NECAB2: variants seen among roughly 807,000 people sequenced by gnomAD.
NECAB2 encodes N-terminal EF-hand calcium-binding protein 2.
A neutral mutation model predicts 51.9 loss-of-function variants in NECAB2; 68 were observed. The ratio of observed to expected loss-of-function variants is 1.31; its 90% confidence interval spans 1.08 to 1.60. The LOEUF (loss-of-function observed/expected upper bound fraction) is 1.60, where lower values mean the gene tolerates loss of function less well. NECAB2 is among the 40% of genes most tolerant of loss of function. The probability of loss-of-function intolerance (pLI) is 0.00; values close to 1 mark genes in which losing one functional copy is unlikely to be tolerated. For synonymous variants in NECAB2, 329 were observed against 203.5 expected, an observed-to-expected ratio of 1.62 and a Z score of -5.25; for missense variants, 854 against 490.3, an observed-to-expected ratio of 1.74 and a Z score of -7.00.
At position 83,968,680 on chromosome 16, in the gene NECAB2, C is replaced by T. The variant is rs866329316; in HGVS notation, c.32C>T (p.Ala11Val). Residue 11 changes from alanine (A) to valine (V), a missense_variant, in exon 1 of 13, where the codon GCC becomes GTC. Ala to Val is a moderately conservative substitution (Grantham distance 64, BLOSUM62 0). Transcript: ENST00000305202. ...GAGCGGGCGGCGCGCCTGTGCAGGG[C>T]CGGCGCGCACAGGCTGCTCCGGGAG... MCERAARLCR[A>V]GAHRLLREPP... is the part of the protein sequence containing the mutation. 104 of 988,076 alleles carry T rather than the reference C, an allele frequency of 1.1e-4. No individual in the cohort carries two copies. In the African/African-American group the frequency reaches 1.6e-3, roughly 15 times the overall value. The allele number at this position is 988,076 out of a possible 1,614,324, so 61.2% of individuals were successfully genotyped here.
At chr16:83,993,672 G>C (rs561980466) in intron 6 of NECAB2, 2 of 155,656 alleles carry the variant, frequency 1.3e-5, no homozygotes, top group African/African-American at 4.9e-5. Context: ...GTGTGTGTCT[G>C]CCTCTGCCTG....
chr16:84,000,189 A>G (rs2084799597), intron 10 of NECAB2, among the ~76,000 whole-genome samples: 1 of 152,204 alleles, frequency 6.6e-6, no homozygotes, highest in South Asian at 2.1e-4. Context: ...GGCGTGAACC[A>G]TCACATCCAG....
chr16:83,991,823 T>G (rs1272472792), intron 6 of NECAB2, among the ~76,000 whole-genome samples: 1 of 150,168 alleles, frequency 6.7e-6, no homozygotes, highest in Non-Finnish European at 1.5e-5. Flanking sequence ...GCTATTTTTT[T>G]TTTTTTTTTT....
At chr16:83,989,157 G>A (rs1027534503) in intron 5 of NECAB2, among the ~76,000 whole-genome samples, 2 of 152,134 alleles carry the variant, frequency 1.3e-5, no homozygotes, top group African/African-American at 2.4e-5. Context: ...CTTCATGTCC[G>A]TTTTTGGCCA....
intron 5 of NECAB2, among the ~76,000 whole-genome samples, chr16:83,985,311 C>A (rs1378472652): frequency 5.1e-5 from 2 of 39,086 alleles, no homozygotes; most frequent in East Asian, 1.3e-3. Context: ...AAATCTCTGT[C>A]TCAAAAAAAA....
chr16:83,972,479 C>T (rs887035374), intron 2 of NECAB2, among the ~76,000 whole-genome samples: 4 of 152,220 alleles, frequency 2.6e-5, no homozygotes, highest in African/African-American at 9.6e-5. Context: ...AGGCCTTTTC[C>T]TAGCTGGGCT....
At chr16:83,985,494 G>A (rs1418452000) in intron 5 of NECAB2, among the ~76,000 whole-genome samples, 3 of 151,308 alleles carry the variant, frequency 2.0e-5, no homozygotes, top group Non-Finnish European at 2.9e-5. Context: ...TTAGCTGGGC[G>A]TGGTGGCAGT....
Position 83,990,522 on chromosome 16 carries a change from A to C in NECAB2, c.488A>C (p.Gln163Pro), listed in dbSNP as rs770058947. The C allele has an allele frequency of 6.2e-7, 1 of 1,614,034 alleles. No individual in the cohort carries two copies. Among genetic ancestry groups the C allele is most frequent in the Non-Finnish European group, 8.5e-7 (1 of 1,180,014 alleles). The change falls in exon 6 of 13, where the codon CAG (glutamine) becomes CCG (proline). Residue 163 changes from glutamine to proline, a missense_variant. Transcript: ENST00000305202. ...TATGAGGGTGGGAGCAACGTGGACCAGTTTGTGACCCGCTTCCTCCTGAAG... is the reference window on the plus strand; with the variant it reads ...TATGAGGGTGGGAGCAACGTGGACCCGTTTGTGACCCGCTTCCTCCTGAAG... ...KVYEGGSNVDQFVTRFLLKET... is the reference protein window; with the variant it reads ...KVYEGGSNVDPFVTRFLLKET...
At chr16:83,965,951 G>C, upstream of NECAB2, 3 of 1,610,478 alleles carry the variant, frequency 1.9e-6, no homozygotes, top group South Asian at 1.1e-5. Flanking sequence ...TGTGCAGGGG[G>C]GCGCCTTGGC....
rs1241355977 is a variant in NECAB2, at chr16:83,968,459, G to C, written c.-190G>C. Among the ~76,000 whole-genome samples the C allele has an allele frequency of 6.9e-6, 1 of 145,978 alleles. No individual in the cohort carries two copies. The highest frequency in any genetic ancestry group is 1.5e-5 in the Non-Finnish European group (1 of 65,746). On this transcript the variant is annotated 5_prime_UTR_variant, in exon 1 of 13. Coordinates refer to ENST00000305202, the MANE Select transcript of NECAB2 (RefSeq NM_019065.3). Reference sequence around the variant, plus strand: ...GGCGGGGGTGGGGGCGGCGGGGAGCGGGCACGTGGCTCGGGGTCCGGCCGG... The same window carrying C: ...GGCGGGGGTGGGGGCGGCGGGGAGCCGGCACGTGGCTCGGGGTCCGGCCGG...
intron 11 of NECAB2, 112 bp from the exon 12 acceptor site, chr16:84,001,713 C>T: frequency 8.9e-7 from 1 of 1,128,770 alleles, no homozygotes; most frequent in Admixed American, 2.0e-5. Context: ...CAAAGACCCC[C>T]CGTGCTTATT....
At chr16:83,986,969 G>A (rs66951085) in intron 5 of NECAB2, among the ~76,000 whole-genome samples, 2 of 151,962 alleles carry the variant, frequency 1.3e-5, no homozygotes, top group African/African-American at 2.4e-5. Context: ...CACTAGAAAC[G>A]CAACCCCCAC....
Position 84,001,898 on chromosome 16 carries a change from TC to T in NECAB2, c.1116del (p.Arg373GlyfsTer84). 6.2e-7 allele frequency: 1 copy of T among 1,613,922 alleles called. No homozygotes were observed. ...VDTLSQPEAL[S>X]RILVPAAWCT... ...CACACTGAGCCAGCCTGAGGCCCTC[TC>T]CAGGATCTTGGTGCCAGGTAGGGGG... is the stretch of plus-strand genomic sequence containing the variant. On this transcript the variant is annotated frameshift_variant, in exon 12 of 13. Coordinates refer to ENST00000305202, the MANE Select transcript of NECAB2 (RefSeq NM_019065.3). LOFTEE classifies it high-confidence loss of function.
intron 5 of NECAB2, among the ~76,000 whole-genome samples, chr16:83,987,505 C>T (rs1039988574): frequency 6.6e-6 from 1 of 152,132 alleles, no homozygotes; most frequent in Non-Finnish European, 1.5e-5. Context: ...GCTTCTAATT[C>T]CCACTATCCC....
intron 5 of NECAB2, among the ~76,000 whole-genome samples, chr16:83,984,096 C>T (rs559993699): frequency 2.7e-5 from 4 of 150,526 alleles, no homozygotes; most frequent in African/African-American, 4.9e-5. Flanking sequence ...CCCGGGTTCA[C>T]GCCATTCTCC....
chr16:83,984,538 C>G (rs1597209065), intron 5 of NECAB2, among the ~76,000 whole-genome samples: 1 of 151,922 alleles, frequency 6.6e-6, no homozygotes, highest in African/African-American at 2.4e-5. Context: ...CCCTGGGCAA[C>G]ATAGTGGGAC....
intron 11 of NECAB2, 122 bp from the exon 12 acceptor site, chr16:84,001,703 C>CAAAG (rs2084839547): frequency 7.7e-6 from 8 of 1,037,968 alleles, no homozygotes; most frequent in Middle Eastern, 2.2e-4. Context: ...GCTCTGAGTC[C>CAAAG]AAAGACCCCC....
At chr16:83,988,766 T>G (rs768207704) in intron 5 of NECAB2, among the ~76,000 whole-genome samples, 3 of 152,164 alleles carry the variant, frequency 2.0e-5, no homozygotes, top group Non-Finnish European at 4.4e-5. Context: ...GGATGCAAAA[T>G]TTCTCCACCT....
In NECAB2 at chr16:83,978,555, G is replaced by A. The variant is rs1201582219; in HGVS notation, c.335+3G>A. 1.2e-6 allele frequency: 2 copies of A among 1,610,608 alleles called. No homozygotes were observed. The highest frequency in any genetic ancestry group is 2.2e-5 in the East Asian group (1 of 44,844). ...ACGATTGACTCTGACAACACCAAGT[G>A]AGCTTCAGTCCTGGCTGGCAGAGTG... On this transcript the variant is annotated splice_donor_region_variant and intron_variant, in intron 3 of 12. Transcript: ENST00000305202.
Sources: allele counts gnomAD v4.1 joint callset (sites outside exome capture counted in the v4.1 genomes callset), GRCh38; gene constraint gnomAD v4.1.1; transcripts MANE v1.5; gene names NCBI Gene and HGNC (gene_info 2026-07-23, HGNC 2026-07-21).